CERT1: variants seen among roughly 807,000 people sequenced by gnomAD.
The protein encoded by CERT1 is ceramide transporter 1, also known as ceramide transfer protein.
In CERT1, 31 loss-of-function variants were observed where a neutral mutation model predicts 87.9. That is an observed-to-expected ratio of 0.35 (90% CI 0.27 to 0.48). The LOEUF (loss-of-function observed/expected upper bound fraction) is 0.48. CERT1 is among the 20% of genes least tolerant of loss of function. The pLI, the probability that CERT1 is intolerant of heterozygous loss-of-function variation, is 0.99. For missense variants in CERT1, 487 were observed against 758.0 expected (o/e 0.64, Z 4.20); for synonymous variants, 289 against 250.9 (o/e 1.15, Z -1.44).
At chr5:75,434,279 T>A (rs901562696) in intron 3 of CERT1, among the ~76,000 whole-genome samples, 2 of 152,090 alleles carry the variant, frequency 1.3e-5, no homozygotes, top group Non-Finnish European at 2.9e-5. Context: ...CATTTCTAGT[T>A]CTGTTTATCT....
chr5:75,392,185 T>C (rs886355497), intron 11 of CERT1, among the ~76,000 whole-genome samples: 2 of 152,204 alleles, frequency 1.3e-5, no homozygotes, highest in African/African-American at 2.4e-5. Context: ...AGATAGCACA[T>C]TTAACATTGT....
chr5:75,407,406 A>G (rs1040043633), intron 8 of CERT1, among the ~76,000 whole-genome samples: 1 of 151,910 alleles, frequency 6.6e-6, no homozygotes, highest in Non-Finnish European at 1.5e-5. Context: ...AGTTAATTAC[A>G]CGAAGGTTTA....
At chr5:75,435,354 A>C (rs1764047111) in intron 3 of CERT1, among the ~76,000 whole-genome samples, 1 of 152,142 alleles carries the variant, frequency 6.6e-6, no homozygotes, top group Non-Finnish European at 1.5e-5. Context: ...TGTTCCTTGG[A>C]CTGCATTTCA....
chr5:75,462,688 AAAC>A (rs1765286129), intron 2 of CERT1, among the ~76,000 whole-genome samples: 1 of 152,140 alleles, frequency 6.6e-6, no homozygotes, highest in Non-Finnish European at 1.5e-5. Context: ...AAAACGTGGG[AAAC>A]AACAACAAAA....
chr5:75,478,417 T>A (rs1766073807), intron 2 of CERT1, among the ~76,000 whole-genome samples: 1 of 152,168 alleles, frequency 6.6e-6, no homozygotes, highest in Non-Finnish European at 1.5e-5. Context: ...CAAATTAAGA[T>A]GTCACAGGTG....
chr5:75,464,322 C>A (rs1765365004), intron 2 of CERT1, among the ~76,000 whole-genome samples: 1 of 150,822 alleles, frequency 6.6e-6, no homozygotes, highest in African/African-American at 2.5e-5. Flanking sequence ...TGAAACCCCA[C>A]ATGCCCATCC....
At chr5:75,381,305 T>C in intron 15 of CERT1, 104 bp from the exon 16 acceptor site, 1 of 1,284,274 alleles carries the variant, frequency 7.8e-7, no homozygotes, top group Middle Eastern at 2.0e-4. Context: ...CTTAAAAGTA[T>C]CTCCAGTGAA....
At chr5:75,387,761 A>T (rs956799319) in intron 12 of CERT1, among the ~76,000 whole-genome samples, 2 of 152,102 alleles carry the variant, frequency 1.3e-5, no homozygotes, top group African/African-American at 4.8e-5. Context: ...GAAAAAAAAA[A>T]AAAGATACTT....
At chr5:75,396,202 G>C (rs1054128161) in intron 11 of CERT1, among the ~76,000 whole-genome samples, 26 of 152,104 alleles carry the variant, frequency 1.7e-4, no homozygotes, top group Non-Finnish European at 3.1e-4. Flanking sequence ...TATGGGAGCT[G>C]ATATAAATGA....
chr5:75,484,773 G>C (rs1418464003), intron 2 of CERT1, among the ~76,000 whole-genome samples: 2 of 151,730 alleles, frequency 1.3e-5, no homozygotes. Context: ...TTATACAATA[G>C]CTGGAGACTT....
chr5:75,424,813 G>A (rs1263158390), intron 5 of CERT1, among the ~76,000 whole-genome samples: 3 of 152,046 alleles, frequency 2.0e-5, no homozygotes, highest in Non-Finnish European at 4.4e-5. Context: ...GGAATAAAGA[G>A]TATCATTTGA....
chr5:75,388,025 CAGA>C (rs1761870230), intron 12 of CERT1, among the ~76,000 whole-genome samples: 1 of 152,148 alleles, frequency 6.6e-6, no homozygotes, highest in African/African-American at 2.4e-5. Context: ...ACGATGACTA[CAGA>C]AGAAGAAATA....
intron 2 of CERT1, among the ~76,000 whole-genome samples, chr5:75,494,206 T>G (rs1766950175): frequency 6.6e-6 from 1 of 152,208 alleles, no homozygotes; most frequent in Non-Finnish European, 1.5e-5. Context: ...GGCTGTACTT[T>G]GAGTTTACCA....
intron 3 of CERT1, among the ~76,000 whole-genome samples, chr5:75,446,397 C>G (rs554951364): frequency 6.6e-6 from 1 of 152,104 alleles, no homozygotes; most frequent in African/African-American, 2.4e-5. Context: ...GTTCATTTAT[C>G]TTTTTCTTAA....
chr5:75,432,270 T>A (rs1763901356), intron 3 of CERT1, among the ~76,000 whole-genome samples: 1 of 152,190 alleles, frequency 6.6e-6, no homozygotes. Flanking sequence ...TTAGCCAGGA[T>A]GGTCTCGATC....
In CERT1 at chr5:75,379,352, C is replaced by T; in HGVS notation, c.1869G>A (p.Leu623=). 6.2e-7 allele frequency: 1 copy of T among 1,612,418 alleles called. No individual in the cohort carries two copies. The highest frequency in any genetic ancestry group is 8.5e-7 in the Non-Finnish European group (1 of 1,178,788). The change falls in exon 17 of 17, where the codon TTG becomes TTA. Residue 623 remains leucine, a synonymous_variant. Coordinates refer to ENST00000643780, the MANE Select transcript of CERT1 (RefSeq NM_001379029.1). ...CTTCTAGTACCTGTTAATACTAGAACAAAATAGGCTTTCCTGCAGTTTTTT... is the reference window on the plus strand; with the variant it reads ...CTTCTAGTACCTGTTAATACTAGAATAAAATAGGCTTTCCTGCAGTTTTTT... ...VQEKTAGKPI[L]F
intron 3 of CERT1, among the ~76,000 whole-genome samples, chr5:75,444,932 G>A (rs1363925187): frequency 2.0e-5 from 3 of 151,406 alleles, no homozygotes; most frequent in Non-Finnish European, 4.4e-5. Flanking sequence ...GGTTATCATC[G>A]GGATGATATT....
chr5:75,371,441 T>C (rs563280580), intron 17 of CERT1: 17 of 152,210 alleles, frequency 1.1e-4, no homozygotes, highest in Non-Finnish European at 2.1e-4. Flanking sequence ...TTAATAGCAA[T>C]TGACACTGAA....
At chr5:75,470,247 A>C (rs1765647472) in intron 2 of CERT1, among the ~76,000 whole-genome samples, 1 of 152,204 alleles carries the variant, frequency 6.6e-6, no homozygotes, top group South Asian at 2.1e-4. Flanking sequence ...AGAATATATT[A>C]TTCTTCTTAA....
Sources: gnomAD v4.1 joint callset for allele counts (sites outside exome capture counted in the v4.1 genomes callset) on GRCh38, gnomAD v4.1.1 for gene constraint, MANE v1.5 for transcripts, NCBI Gene and HGNC (gene_info 2026-07-23, HGNC 2026-07-21) for gene names.